MAP3K7CL: variants seen among roughly 807,000 people sequenced by gnomAD.
MAP3K7CL encodes the protein MAP3K7 C-terminal-like protein.
Under a neutral mutation model 18.6 loss-of-function variants are expected in MAP3K7CL, and 16 were observed. The observed-to-expected ratio is 0.86, with a 90% CI of 0.58 to 1.31. The LOEUF is 1.31. MAP3K7CL is among the 50% of genes most tolerant of loss of function. The pLI, the probability that MAP3K7CL is intolerant of heterozygous loss-of-function variation, is 0.00. For synonymous variants in MAP3K7CL, 65 were observed against 66.8 expected (o/e 0.97, Z 0.13); for missense variants, 163 against 174.4 (o/e 0.93, Z 0.37).
chr21:29,108,379 T>C lies in MAP3K7CL; in HGVS notation c.370+15798T>C, dbSNP rs917165178. On this transcript the variant is annotated intron_variant, in intron 4 of 6. Coordinates refer to the MAP3K7CL transcript ENST00000286791. Reference sequence around the variant, plus strand: ...GCTAGCACCTTGATCTTGGACTTCCTAGCCTAGAACTGTGAGAAATAAATT... The same window carrying C: ...GCTAGCACCTTGATCTTGGACTTCCCAGCCTAGAACTGTGAGAAATAAATT... Among the ~76,000 whole-genome samples, 83 of 152,296 alleles carry C rather than the reference T, an allele frequency of 5.4e-4. 1 individual carries two copies. The highest frequency in any genetic ancestry group is 1.9e-3 in the African/African-American group (78 of 41,554).
At chr21:29,113,261 T>G (rs1333418422) in intron 4 of MAP3K7CL, among the ~76,000 whole-genome samples, 2 of 152,258 alleles carry the variant, frequency 1.3e-5, no homozygotes, top group Non-Finnish European at 2.9e-5. Flanking sequence ...GCTTTGTGCT[T>G]TAAGATATTT....
At chr21:29,166,707 G>C (rs929975568) in intron 4 of MAP3K7CL, among the ~76,000 whole-genome samples, 1 of 152,088 alleles carries the variant, frequency 6.6e-6, no homozygotes, top group Non-Finnish European at 1.5e-5. Context: ...TGTTTTTAAG[G>C]TTCATCCACT....
chr21:29,096,942 A>G (rs950136978), intron 4 of MAP3K7CL, among the ~76,000 whole-genome samples: 2 of 152,234 alleles, frequency 1.3e-5, no homozygotes, highest in African/African-American at 2.4e-5. Flanking sequence ...CCAGTTTAGC[A>G]ACTGAAAAGA....
upstream of MAP3K7CL, among the ~76,000 whole-genome samples, chr21:29,129,393 C>A (rs574083615): frequency 6.6e-6 from 1 of 151,016 alleles, no homozygotes; most frequent in African/African-American, 2.5e-5. Flanking sequence ...ACAGTATCCA[C>A]AGTTTTACCT....
intron 4 of MAP3K7CL, among the ~76,000 whole-genome samples, chr21:29,106,762 G>A (rs1323455210): frequency 1.3e-5 from 2 of 152,192 alleles, no homozygotes; most frequent in Admixed American, 6.5e-5. Context: ...TTTCTGCCTT[G>A]TTATGGTTCT....
At chr21:29,101,903 T>C (rs2086237209) in intron 4 of MAP3K7CL, among the ~76,000 whole-genome samples, 1 of 152,202 alleles carries the variant, frequency 6.6e-6, no homozygotes, top group African/African-American at 2.4e-5. Flanking sequence ...ATTTAAAAAG[T>C]TACAAATAGA....
At chr21:29,095,963 A>G (rs559572951) in intron 4 of MAP3K7CL, among the ~76,000 whole-genome samples, 3 of 152,342 alleles carry the variant, frequency 2.0e-5, no homozygotes, top group African/African-American at 7.2e-5. Flanking sequence ...GGTGATTTTG[A>G]AACAGTGGTA....
At chr21:29,086,176 T>A (rs8130098) in intron 1 of MAP3K7CL, among the ~76,000 whole-genome samples, 1 of 152,182 alleles carries the variant, frequency 6.6e-6, no homozygotes, top group African/African-American at 2.4e-5. Flanking sequence ...TTTTGAAAAC[T>A]GATTCTAAAA....
chr21:29,144,447 G>T (rs2089810879), intron 2 of MAP3K7CL, among the ~76,000 whole-genome samples: 1 of 152,208 alleles, frequency 6.6e-6, no homozygotes, highest in South Asian at 2.1e-4. Flanking sequence ...TTACAAGTAT[G>T]AGTCACTGTG....
At chr21:29,116,438 A>G (rs994348740) in intron 4 of MAP3K7CL, among the ~76,000 whole-genome samples, 13 of 152,256 alleles carry the variant, frequency 8.5e-5, no homozygotes, top group African/African-American at 2.7e-4. Context: ...TAGCTCTAAC[A>G]TTAGTAACAG....
chr21:29,166,679 T>A (rs986298107), intron 4 of MAP3K7CL, among the ~76,000 whole-genome samples: 1 of 152,232 alleles, frequency 6.6e-6, no homozygotes, highest in Non-Finnish European at 1.5e-5. Flanking sequence ...TGTGATTGGC[T>A]TTTTTCACTT....
upstream of MAP3K7CL, chr21:29,130,429 C>A: frequency 4.2e-6 from 1 of 240,362 alleles, no homozygotes; most frequent in Non-Finnish European, 6.7e-6. Context: ...TTTTTGCTGA[C>A]TGGAGTCATG....
chr21:29,105,811 T>C (rs532021491), intron 4 of MAP3K7CL, among the ~76,000 whole-genome samples: 3 of 152,238 alleles, frequency 2.0e-5, no homozygotes, highest in Admixed American at 6.5e-5. Flanking sequence ...CTGTCTGGAG[T>C]TGATGCTTGG....
chr21:29,132,657 C>T (rs777526214), intron 1 of MAP3K7CL, among the ~76,000 whole-genome samples: 3 of 152,086 alleles, frequency 2.0e-5, no homozygotes, highest in Non-Finnish European at 4.4e-5. Context: ...TTACAGGTGC[C>T]TGCTAGCATG....
intron 4 of MAP3K7CL, among the ~76,000 whole-genome samples, chr21:29,118,384 T>C (rs1466580322): frequency 6.8e-6 from 1 of 148,094 alleles, no homozygotes; most frequent in African/African-American, 2.6e-5. Context: ...CCCTGACTTT[T>C]ATGGGTACCT....
intron 4 of MAP3K7CL, chr21:29,109,371 A>T: frequency 7.4e-7 from 1 of 1,349,746 alleles, no homozygotes; most frequent in Non-Finnish European, 9.5e-7. Context: ...AGATAGATCA[A>T]CTCCTTGAAA....
intron 4 of MAP3K7CL, among the ~76,000 whole-genome samples, chr21:29,101,347 A>G (rs1052485503): frequency 2.0e-5 from 3 of 152,200 alleles, no homozygotes; most frequent in Non-Finnish European, 4.4e-5. Context: ...TCACCCACAC[A>G]GATTATTGGA....
intron 4 of MAP3K7CL, among the ~76,000 whole-genome samples, chr21:29,124,021 T>G (rs1414204688): frequency 6.6e-6 from 1 of 152,078 alleles, no homozygotes; most frequent in Non-Finnish European, 1.5e-5. Flanking sequence ...TAAAGGAAAT[T>G]TATTCTTTCT....
chr21:29,116,819 A>G (rs985733280), intron 4 of MAP3K7CL, among the ~76,000 whole-genome samples: 2 of 152,212 alleles, frequency 1.3e-5, no homozygotes, highest in African/African-American at 4.8e-5. Context: ...GGTGTGAATC[A>G]GCTATAGTTA....
Sources: allele counts gnomAD v4.1 joint callset (sites outside exome capture counted in the v4.1 genomes callset), GRCh38; gene constraint gnomAD v4.1.1; transcripts MANE v1.5; gene names NCBI Gene and HGNC (gene_info 2026-07-23, HGNC 2026-07-21).